Variants in ENTPD6 observed in about 807,000 individuals in gnomAD.
The protein encoded by ENTPD6 is CD39 antigen-like 2.
Under a neutral mutation model 61.5 loss-of-function variants are expected in ENTPD6, and 46 were observed. The observed-to-expected ratio is 0.75, with a 90% confidence interval of 0.59 to 0.96. ENTPD6 has a LOEUF of 0.96. Among genes scored for constraint, ENTPD6 ranks in the 40% least tolerant of loss-of-function variants. The pLI is 0.00. For synonymous variants in ENTPD6, 252 were observed against 255.5 expected (o/e 0.99, Z 0.13); for missense variants, 612 against 629.0 (o/e 0.97, Z 0.29).
intron 1 of ENTPD6, among the ~76,000 whole-genome samples, chr20:25,204,608 T>G (rs561945462): frequency 5.3e-5 from 8 of 152,318 alleles, no homozygotes; most frequent in Non-Finnish European, 1.2e-4. Context: ...CAGCTTTGCC[T>G]AGCAGTGCCC....
chr20:25,215,030 C>G (rs533606586), intron 6 of ENTPD6, 88 bp downstream of exon 6: 8 of 857,020 alleles, frequency 9.3e-6, no homozygotes, highest in Admixed American at 5.4e-5. Context: ...TCCGCCACCC[C>G]TCCCCGCCCC....
At position 25,207,263 on chromosome 20, in the gene ENTPD6, C is replaced by T; in HGVS notation, c.242C>T (p.Ala81Val). Reference sequence around the variant, plus strand: ...AGCATCACCAGGGCAGCCCCGGGGGCCCGGTGGGGTCAGCAGGCCCACAGC... The same window carrying T: ...AGCATCACCAGGGCAGCCCCGGGGGTCCGGTGGGGTCAGCAGGCCCACAGC... Reference protein sequence around the residue: ...FFSITRAAPGARWGQQAHSPL... With the variant: ...FFSITRAAPGVRWGQQAHSPL... Residue 81 changes from alanine to valine, a missense_variant, in exon 3 of 15, where the codon GCC becomes GTC. Ala to Val is a moderately conservative substitution (Grantham distance 64, BLOSUM62 0). Coordinates refer to ENST00000376652, the MANE Select transcript of ENTPD6 (RefSeq NM_001247.5). The T allele has an allele frequency of 6.2e-7, 1 of 1,613,562 alleles. No individual in the cohort carries two copies. Among genetic ancestry groups the T allele is most frequent in the Admixed American group, 1.7e-5 (1 of 59,970 alleles).
chr20:25,224,349 C>T (rs1007785136), intron 13 of ENTPD6, 192 bp downstream of exon 13: 64 of 463,456 alleles, frequency 1.4e-4, no homozygotes, highest in Middle Eastern at 5.7e-4. Context: ...CTGGGTCCCT[C>T]GATTCCACTT....
intron 4 of ENTPD6, among the ~76,000 whole-genome samples, chr20:25,210,262 G>A (rs893271152): frequency 2.0e-5 from 3 of 152,106 alleles, no homozygotes; most frequent in Non-Finnish European, 2.9e-5. Context: ...AAATTTTTAC[G>A]CTAATTTAGT....
In ENTPD6 at chr20:25,215,754, C is replaced by A. The variant is rs751039294; in HGVS notation, c.709+43C>A. ...CACAGAGGCTAGCCGATCACAGACA[C>A]CTGCGGAGGGCTCGACTGGGCCTTT... On this transcript the variant is annotated intron_variant, in intron 7 of 14. Transcript: ENST00000376652. 6 of 1,603,828 alleles carry A rather than the reference C, an allele frequency of 3.7e-6. No individual in the cohort carries two copies. The East Asian group carries it at 8.9e-5, about 24-fold the overall frequency.
At chr20:25,209,079 G>A (rs182514659) in intron 3 of ENTPD6, among the ~76,000 whole-genome samples, 5 of 146,808 alleles carry the variant, frequency 3.4e-5, no homozygotes, top group East Asian at 2.0e-4. Context: ...ACCACACCTG[G>A]CTACTTTTTT....
intron 2 of ENTPD6, 105 bp downstream of exon 2, chr20:25,206,695 G>C (rs2091526344): frequency 3.5e-6 from 3 of 865,550 alleles, no homozygotes; most frequent in East Asian, 2.5e-5. Context: ...GACTGAATCA[G>C]ATACGCGCTT....
At chr20:25,207,894 T>G (rs1163325080) in intron 3 of ENTPD6, among the ~76,000 whole-genome samples, 1 of 152,184 alleles carries the variant, frequency 6.6e-6, no homozygotes, top group Non-Finnish European at 1.5e-5. Context: ...TGGGCTTCGT[T>G]GGCTATGCTT....
chr20:25,199,405 C>A (rs771084109), intron 1 of ENTPD6, among the ~76,000 whole-genome samples: 1 of 152,226 alleles, frequency 6.6e-6, no homozygotes, highest in Non-Finnish European at 1.5e-5. Context: ...CCCCATCCCT[C>A]ACCCCACAGA....
intron 8 of ENTPD6, 87 bp from the exon 9 acceptor site, chr20:25,217,415 C>A: frequency 7.9e-7 from 1 of 1,271,164 alleles, no homozygotes; most frequent in South Asian, 1.2e-5. Flanking sequence ...ACCTGACCAT[C>A]CCCTTTCTTT....
intron 8 of ENTPD6, 74 bp downstream of exon 8, chr20:25,216,810 T>G: frequency 6.9e-6 from 4 of 579,632 alleles, no homozygotes; most frequent in Admixed American, 2.7e-5. Flanking sequence ...GGGTGGGGCC[T>G]GCTGAGGTGC....
intron 1 of ENTPD6, 70 bp from the exon 2 acceptor site, chr20:25,206,452 T>G: frequency 8.3e-7 from 1 of 1,210,580 alleles, no homozygotes; most frequent in Non-Finnish European, 1.2e-6. Context: ...ACCCAGTGAA[T>G]TTATTTTGCT....
intron 5 of ENTPD6, among the ~76,000 whole-genome samples, chr20:25,214,078 G>T (rs2092156702): frequency 6.6e-6 from 1 of 152,150 alleles, no homozygotes; most frequent in African/African-American, 2.4e-5. Context: ...TCCTGCTCCT[G>T]GTCCGATGCT....
chr20:25,216,868 C>A, intron 8 of ENTPD6, 132 bp downstream of exon 8: 1 of 617,082 alleles, frequency 1.6e-6, no homozygotes, highest in South Asian at 2.1e-5. Flanking sequence ...TGGACCCCTG[C>A]GGTCATTTCC....
intron 10 of ENTPD6, among the ~76,000 whole-genome samples, chr20:25,220,120 T>G (rs2092564585): frequency 6.6e-6 from 1 of 152,164 alleles, no homozygotes; most frequent in African/African-American, 2.4e-5. Context: ...TTTTAGACAT[T>G]TGGGGGCTGT....
At chr20:25,223,945 G>A (rs2092718441) in intron 12 of ENTPD6, 156 bp from the exon 13 acceptor site, 3 of 596,382 alleles carry the variant, frequency 5.0e-6, no homozygotes, top group African/African-American at 3.8e-5. Context: ...GCCGTCCTCA[G>A]AGCACGTGAG....
chr20:25,206,734 AT>A (rs1180594586), intron 2 of ENTPD6, 144 bp downstream of exon 2: 1 of 712,694 alleles, frequency 1.4e-6, no homozygotes, highest in Non-Finnish European at 2.5e-6. Context: ...TGGGAACACC[AT>A]TTACATGTGG....
rs770444880 is a variant in ENTPD6 at position 25,221,221 on chromosome 20, C to T, written c.944-11C>T. On this transcript the variant is annotated splice_polypyrimidine_tract_variant and intron_variant, in intron 10 of 14. Transcript: ENST00000376652. ...CCTTCCTTTCTCTTTCCTTTTTAAT[C>T]TCTGTTTCAGCTAAGGATGGAAAGG... 6.2e-7 allele frequency: 1 copy of T among 1,604,892 alleles called. No individual in the cohort carries two copies. Among genetic ancestry groups the T allele is most frequent in the South Asian group, 1.1e-5 (1 of 90,602 alleles).
rs1343413818 is a variant in ENTPD6 at position 25,226,254 on chromosome 20, C to T, written c.*657C>T. 1 of 152,766 alleles carries T rather than the reference C, an allele frequency of 6.5e-6. No individual in the cohort carries two copies. The highest frequency in any genetic ancestry group is 1.5e-5 in the Non-Finnish European group (1 of 68,102). The allele number at this position is 152,766 out of a possible 1,614,324, so 9.5% of individuals were successfully genotyped here. On this transcript the variant is annotated 3_prime_UTR_variant, in exon 15 of 15. Transcript: ENST00000376652. The stretch of plus-strand genomic sequence containing the variant: ...CACCTCCTCATAGACGGCAGGTGCC[C>T]ACCTTTCAGGGAGTCTCCCAGCATG...
Sources: allele counts gnomAD v4.1 joint callset (sites outside exome capture counted in the v4.1 genomes callset), GRCh38; gene constraint gnomAD v4.1.1; transcripts MANE v1.5; gene names NCBI Gene and HGNC (gene_info 2026-07-23, HGNC 2026-07-21).